Variants in TMEM198 observed in about 807,000 individuals in gnomAD.
TMEM198 encodes transmembrane protein 198.
A neutral mutation model predicts 31.5 loss-of-function variants in TMEM198; 21 were observed. The ratio of observed to expected loss-of-function variants is 0.67; its 90% CI spans 0.47 to 0.96. The LOEUF is 0.96. Among genes scored for constraint, TMEM198 ranks in the 40% least tolerant of loss-of-function variants. The pLI is 0.00. For missense variants in TMEM198, 447 were observed against 499.4 expected, an observed-to-expected ratio of 0.89 and a Z score of 1.00; for synonymous variants, 211 against 223.3, an observed-to-expected ratio of 0.95 and a Z score of 0.49.
rs772662779 is a variant in TMEM198, at chr2:219,544,812, C to A, written c.85C>A (p.Pro29Thr). Residue 29 changes from proline to threonine, a missense_variant, in exon 2 of 5, where the codon CCC becomes ACC. Transcript: ENST00000373883. The stretch of plus-strand genomic sequence containing the variant: ...CTTCTGGGGTGCACCTTGTGAACAG[C>A]CCCTGGAGCGCAGGTACCAGGCACT... ...DAFWGAPCEQPLERRYQALPA... is the reference protein window; with the variant it reads ...DAFWGAPCEQTLERRYQALPA... 9 of 1,614,244 alleles carry A rather than the reference C, an allele frequency of 5.6e-6. No homozygotes were observed. The South Asian group carries it at 7.7e-5, about 14-fold the overall frequency.
chr2:219,548,694 A>T (rs191484343), intron 3 of TMEM198, among the ~76,000 whole-genome samples: 53 of 152,308 alleles, frequency 3.5e-4, no homozygotes, highest in African/African-American at 1.2e-3. Flanking sequence ...AGCACTCCAC[A>T]TTTTATTAGA....
Position 219,547,976 on chromosome 2 carries a change from C to A in TMEM198, c.637C>A (p.Leu213Ile). 1 of 1,587,624 alleles carries A rather than the reference C, an allele frequency of 6.3e-7. No homozygotes were observed. Among genetic ancestry groups the A allele is most frequent in the African/African-American group, 1.3e-5 (1 of 74,740 alleles). Reference sequence around the variant, plus strand: ...ACTCCGGGCTGCTCCTGTGCCCCCACTCTGCTGGCGAAGCTGGGCCCTGCT... The same window carrying A: ...ACTCCGGGCTGCTCCTGTGCCCCCAATCTGCTGGCGAAGCTGGGCCCTGCT... ...ERLRAAPVPPLCWRSWALLAL... is the reference protein window; with the variant it reads ...ERLRAAPVPPICWRSWALLAL... The change falls in exon 3 of 5, where the codon CTC becomes ATC. Residue 213 changes from leucine to isoleucine, a missense_variant. Transcript: ENST00000373883.
chr2:219,549,346 C>T lies in TMEM198; in HGVS notation c.937C>T (p.Leu313Phe). ...VPIKRFNGDV[L>F]SPSYIQSFRD... Reference sequence around the variant, plus strand: ...CATCAAACGCTTCAATGGAGACGTCCTCTCCCCGGTGAGCTCCCTGAGCCC... The same window carrying T: ...CATCAAACGCTTCAATGGAGACGTCTTCTCCCCGGTGAGCTCCCTGAGCCC... The change falls in exon 4 of 5, where the codon CTC becomes TTC. Residue 313 changes from leucine to phenylalanine, a missense_variant. Transcript: ENST00000373883. 1 of 1,612,326 alleles carries T rather than the reference C, an allele frequency of 6.2e-7. No homozygotes were observed.
At position 219,549,168 on chromosome 2, in the gene TMEM198, G is replaced by C; in HGVS notation, c.759G>C (p.Gln253His). The C allele has an allele frequency of 6.2e-7, 1 of 1,613,948 alleles. No individual in the cohort carries two copies. The highest frequency in any genetic ancestry group is 1.1e-5 in the South Asian group (1 of 91,082). The change falls in exon 4 of 5, where the codon CAG becomes CAC. Residue 253 changes from glutamine to histidine, a missense_variant. Gln to His is a conservative substitution (Grantham distance 24). Coordinates refer to ENST00000373883, the MANE Select transcript of TMEM198 (RefSeq NM_001005209.3). ...DSHTEVVISR[Q>H]RRRVQLMRIR... ...CCACCACAGTGGTCATCAGCCGGCA[G>C]CGCCGACGCGTGCAACTGATGCGGA...
intron 3 of TMEM198, among the ~76,000 whole-genome samples, chr2:219,548,864 A>G (rs1247591681): frequency 6.6e-6 from 1 of 152,112 alleles, no homozygotes; most frequent in Non-Finnish European, 1.5e-5. Flanking sequence ...TGTCCAGTGG[A>G]AAGATGATGA....
chr2:219,544,954 G>C, intron 2 of TMEM198, 61 bp downstream of exon 2: 1 of 1,585,172 alleles, frequency 6.3e-7, no homozygotes, highest in Non-Finnish European at 8.6e-7. Context: ...TTCTTTTTCT[G>C]GGCCCCCAAG....
At position 219,544,280 on chromosome 2, in the gene TMEM198, A is replaced by C. The variant is rs994064911; in HGVS notation, c.-137A>C. 1 of 469,492 alleles carries C rather than the reference A, an allele frequency of 2.1e-6. No individual in the cohort carries two copies. Among genetic ancestry groups the C allele is most frequent in the African/African-American group, 2.0e-5 (1 of 50,096 alleles). The allele number at this position is 469,492 out of a possible 1,614,324, so 29.1% of individuals were successfully genotyped here. A position where few individuals can be genotyped will look rare whatever the true frequency, so the allele number is the denominator to read the frequency against. On this transcript the variant is annotated 5_prime_UTR_variant, in exon 1 of 5. Transcript: ENST00000373883. Reference sequence around the variant, plus strand: ...TCCTCGCACGACGGACTTTCCCTGGACCCCAGTCAGTTGGAGCCTCTGGCG... The same window carrying C: ...TCCTCGCACGACGGACTTTCCCTGGCCCCCAGTCAGTTGGAGCCTCTGGCG...
Position 219,544,386 on chromosome 2 carries a change from T to G in TMEM198, c.-40+9T>G. On this transcript the variant is annotated intron_variant, in intron 1 of 4. Transcript: ENST00000373883. ...GGTCGCCTCCAGCCCAGGTAAATCTTGGACAATCCCATATTGAGCCGCCCA... is the reference window on the plus strand; with the variant it reads ...GGTCGCCTCCAGCCCAGGTAAATCTGGGACAATCCCATATTGAGCCGCCCA... 2.0e-6 allele frequency: 1 copy of G among 508,152 alleles called. No individual in the cohort carries two copies. Among genetic ancestry groups the G allele is most frequent in the Non-Finnish European group, 3.9e-6 (1 of 259,422 alleles). The allele number at this position is 508,152 out of a possible 1,614,324, so 31.5% of individuals were successfully genotyped here. A position where few individuals can be genotyped will look rare whatever the true frequency, so the allele number is the denominator to read the frequency against.
chr2:219,546,369 C>G (rs904465924), intron 2 of TMEM198, among the ~76,000 whole-genome samples: 15 of 152,174 alleles, frequency 9.9e-5, no homozygotes, highest in Non-Finnish European at 2.1e-4. Flanking sequence ...CTCTTTGATT[C>G]TGTGTGACCT....
At chr2:219,544,639 C>A in intron 1 of TMEM198, 50 bp from the exon 2 acceptor site, 1 of 1,512,714 alleles carries the variant, frequency 6.6e-7, no homozygotes, top group Non-Finnish European at 9.0e-7. Flanking sequence ...CCACCCCCAT[C>A]CTGGTGGGGA....
chr2:219,549,513 C>T (rs568674250), intron 4 of TMEM198, among the ~76,000 whole-genome samples, 159 bp downstream of exon 4: 2 of 152,190 alleles, frequency 1.3e-5, no homozygotes, highest in East Asian at 1.9e-4. Flanking sequence ...AGGGGCTTGG[C>T]GGGTCCAGCT....
In TMEM198 at chr2:219,549,244, C is replaced by G. The variant is rs554998281; in HGVS notation, c.835C>G (p.Arg279Gly). The G allele has an allele frequency of 3.1e-6, 5 of 1,613,984 alleles. No individual in the cohort carries two copies. The highest frequency in any genetic ancestry group is 4.2e-6 in the Non-Finnish European group (5 of 1,180,020). Reference protein sequence around the residue: ...KEKRRKKRPPRAPLRGPRAPP... With the variant: ...KEKRRKKRPPGAPLRGPRAPP... ...GAAAAGGCGGAAAAAGAGACCTCCT[C>G]GGGCTCCCCTCAGAGGTCCCCGGGC... The change falls in exon 4 of 5, where the codon CGG (arginine) becomes GGG (glycine). Residue 279 changes from arginine (R) to glycine (G), a missense_variant. Coordinates refer to ENST00000373883, the MANE Select transcript of TMEM198 (RefSeq NM_001005209.3).
chr2:219,544,906 T>A lies in TMEM198; in HGVS notation c.166+13T>A, dbSNP rs577074200. On this transcript the variant is annotated intron_variant, in intron 2 of 4. Coordinates refer to ENST00000373883, the MANE Select transcript of TMEM198 (RefSeq NM_001005209.3). The stretch of plus-strand genomic sequence containing the variant: ...TACTGCTTCTTCGGTGAGATCCCCA[T>A]CTCATCCCTCACCTGGGCTCCCCAG... 1 of 1,610,804 alleles carries A rather than the reference T, an allele frequency of 6.2e-7. No individual in the cohort carries two copies. The highest frequency in any genetic ancestry group is 1.7e-5 in the Admixed American group (1 of 59,990).
chr2:219,547,436 C>G, intron 2 of TMEM198, 70 bp from the exon 3 acceptor site: 2 of 1,254,740 alleles, frequency 1.6e-6, no homozygotes, highest in Non-Finnish European at 2.1e-6. Context: ...ATGTCCTTGA[C>G]CCCTTGGACC....
Position 219,544,689 on chromosome 2 carries a change from G to T in TMEM198, c.-39G>T. On this transcript the variant is annotated splice_region_variant and 5_prime_UTR_variant, in exon 2 of 5. Coordinates refer to ENST00000373883, the MANE Select transcript of TMEM198 (RefSeq NM_001005209.3). ...GTGACCCCAACTTTCCCTCTGTCAG[G>T]TTAACTTGGGAGGGTGACTCCCTTC... 3 of 1,600,890 alleles carry T rather than the reference G, an allele frequency of 1.9e-6. No homozygotes were observed. Among genetic ancestry groups the T allele is most frequent in the African/African-American group, 1.3e-5 (1 of 74,832 alleles).
rs755562600 is a variant in TMEM198 at position 219,547,867 on chromosome 2, C to G, written c.528C>G (p.Thr176=). The change falls in exon 3 of 5, where the codon ACC becomes ACG. Residue 176 remains threonine, a synonymous_variant. Coordinates refer to ENST00000373883, the MANE Select transcript of TMEM198 (RefSeq NM_001005209.3). ...CCCGCCCACTCACCACCCTGGCCAC[C>G]GCCGTGACTGGTGCTGCGCTGATCG... is the stretch of plus-strand genomic sequence containing the variant. ...RWPRPLTTLA[T]AVTGAALIAT... is the part of the protein sequence containing the mutation. 1 of 1,589,736 alleles carries G rather than the reference C, an allele frequency of 6.3e-7. No individual in the cohort carries two copies. The highest frequency in any genetic ancestry group is 1.3e-5 in the African/African-American group (1 of 74,738).
At chr2:219,544,960 C>A in intron 2 of TMEM198, 67 bp downstream of exon 2, 1 of 1,573,294 alleles carries the variant, frequency 6.4e-7, no homozygotes. Flanking sequence ...TTCTGGGCCC[C>A]CAAGTCTTCT....
At chr2:219,543,819 G>A (rs1574502754), upstream of TMEM198, 5 of 438,558 alleles carry the variant, frequency 1.1e-5, no homozygotes, top group East Asian at 1.6e-4. Flanking sequence ...CAAGGGCCCC[G>A]CCCCCGGGGT....
At chr2:219,549,668 A>G (rs959094555) in intron 4 of TMEM198, 49 bp from the exon 5 acceptor site, 1 of 1,600,206 alleles carries the variant, frequency 6.2e-7, no homozygotes, top group African/African-American at 1.3e-5. Context: ...GGTGGCTTTT[A>G]GGGCAGGATT....
Sources: gnomAD v4.1 joint callset for allele counts (sites outside exome capture counted in the v4.1 genomes callset) on GRCh38, gnomAD v4.1.1 for gene constraint, MANE v1.5 for transcripts, NCBI Gene and HGNC (gene_info 2026-07-23, HGNC 2026-07-21) for gene names.